The following KRABD3 variants were observed in gnomAD, a reference collection of about 807,000 sequenced individuals.
KRABD3 encodes KRAB domain containing 3.
the KRABD3 span, chr7:149,730,026 A>G: frequency 3.7e-6 from 5 of 1,369,826 alleles, no homozygotes; most frequent in Non-Finnish European, 4.7e-6. Context: ...AGGGTCCACT[A>G]GAACGCATGC....
the KRABD3 span, chr7:149,719,993 C>T: frequency 1.3e-6 from 2 of 1,539,534 alleles, no homozygotes; most frequent in Non-Finnish European, 8.7e-7. The surrounding 1 kb of genome is among the most constrained non-coding windows in gnomAD (Gnocchi z 5.6). Context: ...GCCACAGTTC[C>T]CTCTTCTTTC....
chr7:149,730,721 G>A, the KRABD3 span: 2 of 1,026,856 alleles, frequency 1.9e-6, no homozygotes, highest in Admixed American at 2.8e-5. Context: ...AAGGTGAGCT[G>A]TGTCCGAGAA....
chr7:149,720,878 G>C, the KRABD3 span: 1 of 1,607,176 alleles, frequency 6.2e-7, no homozygotes, highest in Admixed American at 1.7e-5. Flanking sequence ...CCCTGGTGCA[G>C]CTGGTGAAGG....
chr7:149,729,429 G>C, the KRABD3 span: 1 of 1,314,268 alleles, frequency 7.6e-7, no homozygotes. Flanking sequence ...TGTTTGACAA[G>C]GAAATAGACT....
chr7:149,731,822 A>G, the KRABD3 span: 1 of 1,460,654 alleles, frequency 6.8e-7, no homozygotes, highest in South Asian at 1.2e-5. Context: ...GCCAGGACCC[A>G]GAGCCCCAGC....
chr7:149,729,999 A>G, the KRABD3 span: 1 of 1,317,238 alleles, frequency 7.6e-7, no homozygotes, highest in Admixed American at 3.6e-5. Flanking sequence ...TTTCTCTGGC[A>G]AGAGAGGCAG....
chr7:149,732,843 G>A, the KRABD3 span, among the ~76,000 whole-genome samples: 3 of 152,152 alleles, frequency 2.0e-5, no homozygotes, highest in South Asian at 2.1e-4. The surrounding 1 kb of genome is among the most constrained non-coding windows in gnomAD (Gnocchi z 4.0). Context: ...ATGCTGTCTC[G>A]GGGGCTCTGG....
chr7:149,734,317 C>T, the KRABD3 span: 15 of 485,890 alleles, frequency 3.1e-5, no homozygotes, highest in Middle Eastern at 1.1e-3. Flanking sequence ...CCACTGGAGC[C>T]GCCCAAGCTT....
chr7:149,730,532 A>G, the KRABD3 span: 1 of 1,612,100 alleles, frequency 6.2e-7, no homozygotes, highest in African/African-American at 1.3e-5. Flanking sequence ...AGACCCCAGG[A>G]GAACAGAGCC....
At chr7:149,728,756 C>A in the KRABD3 span, 1 of 1,455,328 alleles carries the variant, frequency 6.9e-7, no homozygotes, top group Non-Finnish European at 9.3e-7. Context: ...GGGCTCAGAT[C>A]TGCTCCTGAG....
the KRABD3 span, chr7:149,725,873 G>A: frequency 2.6e-6 from 4 of 1,555,026 alleles, no homozygotes; most frequent in South Asian, 4.8e-5. Context: ...CCACAACTGT[G>A]CTGTTCCCTA....
At chr7:149,730,352 G>T in the KRABD3 span, 1 of 1,544,594 alleles carries the variant, frequency 6.5e-7, no homozygotes, top group African/African-American at 1.4e-5. Context: ...GTGAGCCTGT[G>T]CGGAGAGGGA....
At chr7:149,724,794 A>T in the KRABD3 span, 2 of 1,597,222 alleles carry the variant, frequency 1.3e-6, no homozygotes, top group South Asian at 2.3e-5. Flanking sequence ...TCAGTCCCTC[A>T]GCCACTGGAG....
chr7:149,716,266 G>C, the KRABD3 span, among the ~76,000 whole-genome samples: 1 of 152,238 alleles, frequency 6.6e-6, no homozygotes, highest in Non-Finnish European at 1.5e-5. Context: ...CTGGGCTAGT[G>C]ACACGGTGGA....
chr7:149,722,319 G>C, the KRABD3 span: 76 of 1,505,858 alleles, frequency 5.0e-5, 1 homozygote, highest in South Asian at 9.2e-4. Context: ...ACAGGGACTT[G>C]GGTGGCTGGA....
chr7:149,731,551 C>T, the KRABD3 span: 1 of 836,520 alleles, frequency 1.2e-6, no homozygotes, highest in Admixed American at 2.3e-5. Flanking sequence ...AAGTTTCCGT[C>T]TTCTATCTCA....
At chr7:149,722,344 A>G in the KRABD3 span, 1 of 1,551,940 alleles carries the variant, frequency 6.4e-7, no homozygotes, top group Non-Finnish European at 8.7e-7. Flanking sequence ...GCTGTCCTCT[A>G]TGGGAACCAG....
chr7:149,724,681 C>G, the KRABD3 span: 2 of 1,547,442 alleles, frequency 1.3e-6, no homozygotes, highest in Non-Finnish European at 8.7e-7. Flanking sequence ...CCCTCCTCCC[C>G]ATCCTGATCT....
the KRABD3 span, among the ~76,000 whole-genome samples, chr7:149,718,585 C>T: frequency 7.9e-6 from 1 of 127,306 alleles, no homozygotes; most frequent in Non-Finnish European, 1.5e-5. Flanking sequence ...ATGGCGTGAT[C>T]TCGGCTCACT....
Sources: allele counts gnomAD v4.1 joint callset (sites outside exome capture counted in the v4.1 genomes callset), GRCh38; gene constraint gnomAD v4.1.1; non-coding constraint Gnocchi (gnomAD v3.1); transcripts MANE v1.5; gene names NCBI Gene and HGNC (gene_info 2026-07-23, HGNC 2026-07-21).